PALM2AKAP2: variants seen among roughly 807,000 people sequenced by gnomAD.
The protein encoded by PALM2AKAP2 is PALM2-AKAP2 fusion protein.
Under a neutral mutation model 71.5 loss-of-function variants are expected in PALM2AKAP2, and 37 were observed. That is an observed-to-expected ratio of 0.52 (90% confidence interval 0.40 to 0.68). The LOEUF (loss-of-function observed/expected upper bound fraction) is 0.68, where lower values mean the gene tolerates loss of function less well. Among genes scored for constraint, PALM2AKAP2 ranks in the 30% least tolerant of loss-of-function variants. PALM2AKAP2 has a pLI of 0.00. For missense variants in PALM2AKAP2, 1,224 were observed against 1,191.8 expected, an observed-to-expected ratio of 1.03 and a Z score of -0.40; for synonymous variants, 468 against 478.8, an observed-to-expected ratio of 0.98 and a Z score of 0.29.
At chr9:110,070,792 C>T (rs912946357) in intron 1 of PALM2AKAP2, among the ~76,000 whole-genome samples, 4 of 152,136 alleles carry the variant, frequency 2.6e-5, no homozygotes, top group African/African-American at 9.7e-5. Context: ...TGACCTTTGG[C>T]GTGCTACTCT....
At chr9:109,867,210 G>C (rs1829475090) in intron 1 of PALM2AKAP2, 1 of 412,832 alleles carries the variant, frequency 2.4e-6, no homozygotes. Context: ...GTGTGTCTGT[G>C]TGTGTGTGTA....
chr9:110,021,155 A>T (rs1175415349), intron 7 of PALM2AKAP2, among the ~76,000 whole-genome samples: 3 of 152,180 alleles, frequency 2.0e-5, no homozygotes, highest in Non-Finnish European at 4.4e-5. Flanking sequence ...GATTTACCAG[A>T]TGGGCCCTAA....
chr9:109,806,285 C>G (rs547985749), intron 1 of PALM2AKAP2, among the ~76,000 whole-genome samples: 4 of 152,312 alleles, frequency 2.6e-5, no homozygotes, highest in African/African-American at 7.2e-5. Flanking sequence ...CTCATTTTAT[C>G]TGAACTCCAG....
intron 1 of PALM2AKAP2, among the ~76,000 whole-genome samples, chr9:109,838,927 C>T (rs7849937): frequency 0.031 from 4,707 of 152,190 alleles, 84 homozygotes; most frequent in Middle Eastern, 0.071. Flanking sequence ...CAGGACCAGA[C>T]GGATTCACAG....
At chr9:109,931,775 G>GC in intron 5 of PALM2AKAP2, 152 bp from the exon 6 acceptor site, 2 of 835,468 alleles carry the variant, frequency 2.4e-6, no homozygotes, top group Non-Finnish European at 3.8e-6. Context: ...CCAGTCACTG[G>GC]GCAAATGCTT....
chr9:110,029,233 CTGGGTATATCA>C (rs1833236690), intron 7 of PALM2AKAP2, among the ~76,000 whole-genome samples: 1 of 152,206 alleles, frequency 6.6e-6, no homozygotes, highest in South Asian at 2.1e-4. Context: ...TTACCTCAAT[CTGGGTATATCA>C]TGACTTTTTG....
At chr9:109,853,690 A>C (rs1422379731) in intron 1 of PALM2AKAP2, among the ~76,000 whole-genome samples, 2 of 152,218 alleles carry the variant, frequency 1.3e-5, no homozygotes, top group Non-Finnish European at 2.9e-5. Flanking sequence ...ATAAACTTGA[A>C]AGTGTTTGCT....
chr9:110,170,327 T>G (rs1404877136), exon 4 of PALM2AKAP2: 2 of 152,692 alleles, frequency 1.3e-5, no homozygotes, highest in African/African-American at 2.4e-5. Flanking sequence ...TATTGTTATG[T>G]CATAAGCTCT....
chr9:110,025,425 G>A (rs1718354368), intron 7 of PALM2AKAP2: 2 of 696,130 alleles, frequency 2.9e-6, no homozygotes, highest in Middle Eastern at 3.8e-4. Context: ...TCCTTCACAA[G>A]TTGATGGATT....
chr9:109,983,818 T>C (rs923937367), intron 6 of PALM2AKAP2, among the ~76,000 whole-genome samples: 1 of 150,674 alleles, frequency 6.6e-6, no homozygotes, highest in East Asian at 1.9e-4. Context: ...TGAGCCGAGA[T>C]CATGCCACTG....
At chr9:110,018,999 T>C (rs1833028066) in intron 7 of PALM2AKAP2, among the ~76,000 whole-genome samples, 1 of 152,062 alleles carries the variant, frequency 6.6e-6, no homozygotes, top group Non-Finnish European at 1.5e-5. Flanking sequence ...CCTAGCACTT[T>C]GGGAGGCCAA....
intron 2 of PALM2AKAP2, among the ~76,000 whole-genome samples, chr9:109,868,964 T>G (rs916161017): frequency 2.6e-5 from 4 of 152,248 alleles, no homozygotes; most frequent in African/African-American, 7.2e-5. Context: ...AAGGTCAATC[T>G]GCACAGAGCT....
At chr9:109,871,483 T>C (rs1564189589) in intron 2 of PALM2AKAP2, among the ~76,000 whole-genome samples, 1 of 152,240 alleles carries the variant, frequency 6.6e-6, no homozygotes, top group Non-Finnish European at 1.5e-5. Context: ...TTTTGATGAT[T>C]ACAAAAGGAA....
intron 3 of PALM2AKAP2, among the ~76,000 whole-genome samples, chr9:109,917,213 G>A (rs1830714095): frequency 6.6e-6 from 1 of 152,194 alleles, no homozygotes; most frequent in Non-Finnish European, 1.5e-5. Context: ...TGACCTCAGG[G>A]AGCTGAAAAG....
intron 1 of PALM2AKAP2, among the ~76,000 whole-genome samples, chr9:109,754,950 A>G (rs1828936394): frequency 6.6e-6 from 1 of 152,096 alleles, no homozygotes. Flanking sequence ...CTCCAAACCT[A>G]GTCATCATTG....
intron 6 of PALM2AKAP2, among the ~76,000 whole-genome samples, chr9:110,000,431 G>T (rs745537868): frequency 6.6e-6 from 1 of 152,112 alleles, no homozygotes; most frequent in Non-Finnish European, 1.5e-5. Context: ...ATTTGGGTTG[G>T]TTCCAAGTCT....
At chr9:110,123,646 A>G (rs1003716066) in intron 1 of PALM2AKAP2, among the ~76,000 whole-genome samples, 1 of 152,192 alleles carries the variant, frequency 6.6e-6, no homozygotes, top group Admixed American at 6.5e-5. Context: ...CGTCTCTGAG[A>G]CACCAGGTCA....
intron 1 of PALM2AKAP2, among the ~76,000 whole-genome samples, chr9:109,652,654 T>C (rs1827242599): frequency 6.6e-6 from 1 of 152,244 alleles, no homozygotes; most frequent in Non-Finnish European, 1.5e-5. Context: ...AATTTCTCTG[T>C]CAATCATGTT....
Position 109,912,990 on chromosome 9 carries a change from T to C in PALM2AKAP2, c.258-10745T>C, listed in dbSNP as rs1032760548. 4.6e-5 allele frequency among the ~76,000 whole-genome samples: 7 copies of C among 152,252 alleles called. 1 individual carries two copies. The South Asian group carries it at 1.4e-3, about 32-fold the overall frequency. The stretch of plus-strand genomic sequence containing the variant: ...TGTTTCTACTCCTTGGCCAGGGATG[T>C]GAGCCTTCTGACCAATAGTTTCACC... On this transcript the variant is annotated intron_variant, in intron 3 of 9. Transcript: ENST00000302798.
Sources: gnomAD v4.1 joint callset for allele counts (sites outside exome capture counted in the v4.1 genomes callset) on GRCh38, gnomAD v4.1.1 for gene constraint, MANE v1.5 for transcripts, NCBI Gene and HGNC (gene_info 2026-07-23, HGNC 2026-07-21) for gene names.